ZNF264: variants seen among roughly 807,000 people sequenced by gnomAD.
ZNF264 encodes the protein zinc finger protein 264.
ZNF264 carries 11 observed loss-of-function variants against 11.2 expected under a neutral mutation model. The ratio of observed to expected loss-of-function variants is 0.98; its 90% CI spans 0.62 to 1.63. ZNF264 has a LOEUF of 1.63. Among genes scored for constraint, ZNF264 ranks in the 40% most tolerant of loss-of-function variants. ZNF264 has a pLI of 0.00. For missense variants in ZNF264, 752 were observed against 768.1 expected (o/e 0.98, Z 0.25); for synonymous variants, 309 against 279.8 (o/e 1.10, Z -1.04).
intron 3 of ZNF264, among the ~76,000 whole-genome samples, chr19:57,206,100 C>T (rs1392744030): frequency 6.6e-6 from 1 of 152,170 alleles, no homozygotes; most frequent in Non-Finnish European, 1.5e-5. Flanking sequence ...CCCTCACATT[C>T]CACCCACAGG....
rs778868806 is a variant in ZNF264 at position 57,205,446 on chromosome 19, G to A, written c.210G>A (p.Gln70=). Residue 70 remains glutamine, a synonymous_variant, in exon 3 of 4, where the codon CAG becomes CAA. Coordinates refer to ENST00000263095, the MANE Select transcript of ZNF264 (RefSeq NM_003417.5). Reference sequence around the variant, plus strand: ...TGATCTGCCACCTAGAGCATGGGCAGGAGCCATGGACCAGGAAGGAAGACC... The same window carrying A: ...TGATCTGCCACCTAGAGCATGGGCAAGAGCCATGGACCAGGAAGGAAGACC... ...AELICHLEHG[Q]EPWTRKEDLS... is the part of the protein sequence containing the mutation. 7.0e-5 allele frequency: 113 copies of A among 1,612,390 alleles called. No individual in the cohort carries two copies. The highest frequency in any genetic ancestry group is 9.2e-5 in the Non-Finnish European group (108 of 1,179,418).
At position 57,212,967 on chromosome 19, in the gene ZNF264, G is replaced by A. The variant is rs1179618618; in HGVS notation, c.1870G>A (p.Val624Met). The A allele has an allele frequency of 6.2e-7, 1 of 1,606,844 alleles. No homozygotes were observed. The highest frequency in any genetic ancestry group is 1.1e-5 in the South Asian group (1 of 90,776). ...ACCATACCAAAGAGAAACCCCACAA[G>A]TGTCTTCACTGTGAGAAAACCTTCT... ...DQPYQRETPQ[V>M]SSL The change falls in exon 4 of 4, where the codon GTG becomes ATG. Residue 624 changes from valine to methionine, a missense_variant. Coordinates refer to ENST00000263095, the MANE Select transcript of ZNF264 (RefSeq NM_003417.5).
chr19:57,193,458 T>C (rs368973049), intron 1 of ZNF264: 4 of 983,958 alleles, frequency 4.1e-6, no homozygotes, highest in South Asian at 9.4e-5. Context: ...TGTTTGGAGC[T>C]AGGAACTTCT....
Position 57,191,628 on chromosome 19 carries a change from A to C in ZNF264, c.-286A>C. ...GGAATCCCCGCCGCACCTTTGTACG[A>C]GCCTGACCCCTTCCGTGGGTTTGTT... On this transcript the variant is annotated 5_prime_UTR_variant, in exon 1 of 4. Coordinates refer to ENST00000263095, the MANE Select transcript of ZNF264 (RefSeq NM_003417.5). 1 of 376,452 alleles carries C rather than the reference A, an allele frequency of 2.7e-6. No homozygotes were observed. Among genetic ancestry groups the C allele is most frequent in the Non-Finnish European group, 4.7e-6 (1 of 211,700 alleles). 23.3% of individuals were successfully genotyped at this position (376,452 alleles called of 1,614,324 possible).
In ZNF264 at chr19:57,214,682, T is replaced by C. The variant is rs1231051984; in HGVS notation, c.*1701T>C. The C allele has an allele frequency of 2.6e-5, 4 of 152,224 alleles. No homozygotes were observed. The highest frequency in any genetic ancestry group is 4.4e-5 in the Non-Finnish European group (3 of 68,046). 9.4% of individuals were successfully genotyped at this position (152,224 alleles called of 1,614,324 possible). A position where few individuals can be genotyped will look rare whatever the true frequency, so the allele number is the denominator to read the frequency against. On this transcript the variant is annotated 3_prime_UTR_variant, in exon 4 of 4. Transcript: ENST00000263095. ...CAGTTTTTCATCATGAAGTATAATG[T>C]AAGTTTTATAAAACATATGTCCTCT...
At position 57,211,709 on chromosome 19, in the gene ZNF264, A is replaced by G. The variant is rs769899830; in HGVS notation, c.612A>G (p.Lys204=). The G allele has an allele frequency of 9.3e-6, 15 of 1,614,048 alleles. No individual in the cohort carries two copies. The South Asian group carries it at 1.5e-4, about 17-fold the overall frequency. ...TTCAGGAAGAGGAAAATAACTTTAA[A>G]TGCAGTGAATGTGGAAAAGTATTTA... The part of the protein sequence containing the change: ...PMIQEEENNF[K]CSECGKVFNK... Residue 204 remains lysine (K), a synonymous_variant, in exon 4 of 4, where the codon AAA becomes AAG. Coordinates refer to ENST00000263095, the MANE Select transcript of ZNF264 (RefSeq NM_003417.5).
intron 2 of ZNF264, among the ~76,000 whole-genome samples, chr19:57,204,168 T>A (rs11670699): frequency 0.084 from 12,693 of 150,220 alleles, 863 homozygotes; most frequent in African/African-American, 0.19. Flanking sequence ...GTGAGCCGAG[T>A]TCACACGCCA....
intron 2 of ZNF264, among the ~76,000 whole-genome samples, chr19:57,205,171 G>A (rs1237059349): frequency 6.6e-6 from 1 of 151,432 alleles, no homozygotes; most frequent in African/African-American, 2.4e-5. Context: ...AAATACATCA[G>A]TTTTTCTCTA....
intron 1 of ZNF264, among the ~76,000 whole-genome samples, chr19:57,193,148 T>C (rs10417807): frequency 0.12 from 18,729 of 152,242 alleles, 1,213 homozygotes; most frequent in Admixed American, 0.14. Flanking sequence ...GGAGTTACAC[T>C]GTTAGACCGT....
Position 57,218,623 on chromosome 19 carries a change from C to T in ZNF264, c.*5642C>T, listed in dbSNP as rs1198847332. ...AACATGAGTGGCAGATCTTGTTTTACACTCCCATGGGTCCTTCAGGCTCTC... is the reference window on the plus strand; with the variant it reads ...AACATGAGTGGCAGATCTTGTTTTATACTCCCATGGGTCCTTCAGGCTCTC... On this transcript the variant is annotated 3_prime_UTR_variant, in exon 4 of 4. Transcript: ENST00000263095. 6.6e-6 allele frequency: 1 copy of T among 152,146 alleles called. No homozygotes were observed. Among genetic ancestry groups the T allele is most frequent in the Non-Finnish European group, 1.5e-5 (1 of 68,022 alleles). The allele number at this position is 152,146 out of a possible 1,614,324, so 9.4% of individuals were successfully genotyped here.
At chr19:57,209,350 G>A (rs1177109983) in intron 3 of ZNF264, among the ~76,000 whole-genome samples, 3 of 151,990 alleles carry the variant, frequency 2.0e-5, no homozygotes, top group South Asian at 2.1e-4. Flanking sequence ...AGTTATTTTC[G>A]TTCTCCATGT....
chr19:57,193,487 G>C, intron 1 of ZNF264: 1 of 985,432 alleles, frequency 1.0e-6, no homozygotes, highest in Non-Finnish European at 1.2e-6. Context: ...TGTTTACACA[G>C]GATGTGAAGC....
At chr19:57,193,634 G>A (rs1200414117) in intron 1 of ZNF264, 1 of 787,138 alleles carries the variant, frequency 1.3e-6, no homozygotes, top group Non-Finnish European at 1.5e-6. Flanking sequence ...CAGTCCACAA[G>A]TTGTTTCCGT....
rs915658105 is a variant in ZNF264, at chr19:57,219,598, T to G, written c.*6617T>G. 1 of 152,266 alleles carries G rather than the reference T, an allele frequency of 6.6e-6. No individual in the cohort carries two copies. The highest frequency in any genetic ancestry group is 1.5e-5 in the Non-Finnish European group (1 of 68,052). 9.4% of individuals were successfully genotyped at this position (152,266 alleles called of 1,614,324 possible). Reference sequence around the variant, plus strand: ...GCTGACCACCACTCTGAACCAAAACTTCTTTCTTGGTTCTTGAAAGTTGCT... The same window carrying G: ...GCTGACCACCACTCTGAACCAAAACGTCTTTCTTGGTTCTTGAAAGTTGCT... On this transcript the variant is annotated 3_prime_UTR_variant, in exon 4 of 4. Transcript: ENST00000263095.
At chr19:57,197,501 A>G (rs1212455658) in intron 2 of ZNF264, among the ~76,000 whole-genome samples, 3 of 151,860 alleles carry the variant, frequency 2.0e-5, no homozygotes, top group Admixed American at 6.6e-5. Context: ...CAGCATCCCT[A>G]TCTGCCACTG....
rs779427872 is a variant in ZNF264 at position 57,212,462 on chromosome 19, C to T, written c.1365C>T (p.Phe455=). Residue 455 remains phenylalanine (F), a synonymous_variant, in exon 4 of 4, where the codon TTC becomes TTT. Transcript: ENST00000263095. ...GGGCCCACACTGGAGAAAAGCCTTTCGAGTGCAAAGAGTGTGGGAAAGCCT... is the reference window on the plus strand; with the variant it reads ...GGGCCCACACTGGAGAAAAGCCTTTTGAGTGCAAAGAGTGTGGGAAAGCCT... ...HKRAHTGEKP[F]ECKECGKAFS... is the part of the protein sequence containing the mutation. 15 of 1,613,342 alleles carry T rather than the reference C, an allele frequency of 9.3e-6. 1 individual carries two copies. In the South Asian group the frequency reaches 1.1e-4, roughly 12 times the overall value.
chr19:57,207,614 G>A (rs1256182500), intron 3 of ZNF264, among the ~76,000 whole-genome samples: 1 of 145,928 alleles, frequency 6.9e-6, no homozygotes, highest in Non-Finnish European at 1.5e-5. Flanking sequence ...TGCTATCTTG[G>A]CTCACTGCAG....
rs1186223379 is a variant in ZNF264, at chr19:57,200,460, A to G, written c.161-4937A>G. Among the ~76,000 whole-genome samples the G allele has an allele frequency of 2.7e-5, 4 of 150,670 alleles. 1 individual carries two copies. The highest frequency in any genetic ancestry group is 7.4e-5 in the African/African-American group (3 of 40,438). On this transcript the variant is annotated intron_variant, in intron 2 of 3. Transcript: ENST00000263095. ...TGTCTCTAAAATAAATTGAAAAAAA[A>G]AAAAGCCACTCAGTACCCTGTTTTA... is the stretch of plus-strand genomic sequence containing the variant.
At chr19:57,194,138 A>G in intron 2 of ZNF264, 137 bp downstream of exon 2, 2 of 1,254,134 alleles carry the variant, frequency 1.6e-6, no homozygotes, top group Non-Finnish European at 2.2e-6. Context: ...GTCATTTTCC[A>G]CAGTAACCTC....
Sources: allele counts gnomAD v4.1 joint callset (sites outside exome capture counted in the v4.1 genomes callset), GRCh38; gene constraint gnomAD v4.1.1; transcripts MANE v1.5; gene names NCBI Gene and HGNC (gene_info 2026-07-23, HGNC 2026-07-21).